Variants in ZFAND6 observed in about 807,000 individuals in gnomAD.
ZFAND6 encodes the protein AN1-type zinc finger protein 6.
In ZFAND6, 12 loss-of-function variants were observed where a neutral mutation model predicts 24.5. The observed-to-expected ratio is 0.49, with a 90% CI of 0.31 to 0.79. The LOEUF (loss-of-function observed/expected upper bound fraction) is 0.79. Among genes scored for constraint, ZFAND6 ranks in the 30% least tolerant of loss-of-function variants. The probability of loss-of-function intolerance (pLI) is 0.04; values close to 1 mark genes in which losing one functional copy is unlikely to be tolerated. For synonymous variants in ZFAND6, 92 were observed against 81.5 expected (o/e 1.13, Z -0.69); for missense variants, 207 against 245.9 (o/e 0.84, Z 1.06).
intron 2 of ZFAND6, among the ~76,000 whole-genome samples, chr15:80,117,042 T>C (rs2039907429): frequency 6.6e-6 from 1 of 152,240 alleles, no homozygotes; most frequent in South Asian, 2.1e-4. Flanking sequence ...ATTTCAAATA[T>C]TGATATAGTA....
rs371545250 is a variant in ZFAND6 at position 80,108,366 on chromosome 15, T to A, written c.-18+9788T>A. ...AAGTCTACATAGTTGAATTAAAAGC[T>A]TTAAGGGCAAAGAGGGAATAAAAAG... On this transcript the variant is annotated intron_variant, in intron 2 of 6. Coordinates refer to ENST00000261749, the MANE Select transcript of ZFAND6 (RefSeq NM_019006.4). Among the ~76,000 whole-genome samples the A allele has an allele frequency of 4.6e-5, 7 of 152,142 alleles. No homozygotes were observed. In the East Asian group the frequency reaches 5.8e-4, roughly 13 times the overall value.
chr15:80,092,827 A>T (rs1041124630), intron 1 of ZFAND6, among the ~76,000 whole-genome samples: 1 of 152,218 alleles, frequency 6.6e-6, no homozygotes, highest in African/African-American at 2.4e-5. Context: ...GTAAAGAAGC[A>T]AAAATGTTTC....
intron 2 of ZFAND6, among the ~76,000 whole-genome samples, chr15:80,114,034 G>A (rs180685736): frequency 1.3e-5 from 2 of 152,162 alleles, no homozygotes; most frequent in African/African-American, 4.8e-5. Flanking sequence ...TAAAAAAGGC[G>A]CAATATGAGC....
rs1224368944 is a variant in ZFAND6, at chr15:80,137,735, A to G, written c.*107A>G. ...TGTAGAGCAGTGTATCTTGCATGTC[A>G]TCGGAAGAATAGATTTTTGTTTTGG... On this transcript the variant is annotated 3_prime_UTR_variant, in exon 7 of 7. Coordinates refer to ENST00000261749, the MANE Select transcript of ZFAND6 (RefSeq NM_019006.4). The G allele has an allele frequency of 4.3e-6, 5 of 1,172,944 alleles. No individual in the cohort carries two copies. The highest frequency in any genetic ancestry group is 4.5e-6 in the Non-Finnish European group (4 of 882,764). 72.7% of individuals were successfully genotyped at this position (1,172,944 alleles called of 1,614,324 possible).
rs551107461 is a variant in ZFAND6 at position 80,092,285 on chromosome 15, G to A, written c.-180-6131G>A. 1.4e-4 allele frequency among the ~76,000 whole-genome samples: 20 copies of A among 146,316 alleles called. 1 individual carries two copies. In the South Asian group the frequency reaches 3.5e-3, roughly 25 times the overall value. On this transcript the variant is annotated intron_variant, in intron 1 of 6. Coordinates refer to ENST00000261749, the MANE Select transcript of ZFAND6 (RefSeq NM_019006.4). ...GTGGATCACTTGATCCCAGGAGTTC[G>A]AGACAAGCCTGGGCAACATGGCAAA...
At chr15:80,130,543 A>G (rs908560668) in intron 5 of ZFAND6, 5 of 152,176 alleles carry the variant, frequency 3.3e-5, no homozygotes, top group African/African-American at 1.2e-4. Flanking sequence ...AACTGGAGGG[A>G]GGCATGTTAA....
chr15:80,087,478 A>C (rs982554304), intron 1 of ZFAND6, among the ~76,000 whole-genome samples: 3 of 152,186 alleles, frequency 2.0e-5, no homozygotes, highest in Non-Finnish European at 4.4e-5. Flanking sequence ...TCCAATGCTC[A>C]TTCTCCTTTT....
intron 2 of ZFAND6, among the ~76,000 whole-genome samples, chr15:80,106,124 T>TAAGTTTATC (rs1443957731): frequency 6.6e-6 from 1 of 152,242 alleles, no homozygotes; most frequent in Non-Finnish European, 1.5e-5. Context: ...ATAGGTACGA[T>TAAGTTTATC]AAGTTTATCA....
chr15:80,093,429 A>G (rs544507590), intron 1 of ZFAND6, among the ~76,000 whole-genome samples: 1 of 152,006 alleles, frequency 6.6e-6, no homozygotes, highest in Non-Finnish European at 1.5e-5. Context: ...ATCGGAAAAC[A>G]TGAAGAAGTG....
At chr15:80,068,114 A>G (rs868596246) in intron 1 of ZFAND6, among the ~76,000 whole-genome samples, 131 of 145,788 alleles carry the variant, frequency 9.0e-4, no homozygotes, top group African/African-American at 3.2e-3. Flanking sequence ...GGCGAGCACC[A>G]CCGCGCCTGG....
At chr15:80,113,834 A>C (rs2141991930) in intron 2 of ZFAND6, among the ~76,000 whole-genome samples, 1 of 152,158 alleles carries the variant, frequency 6.6e-6, no homozygotes, top group Admixed American at 6.6e-5. Context: ...AGAGTTGTAT[A>C]CCAGTGAAGT....
intron 1 of ZFAND6, among the ~76,000 whole-genome samples, chr15:80,066,649 A>G (rs540612477): frequency 9.5e-4 from 145 of 152,108 alleles, no homozygotes; most frequent in African/African-American, 3.3e-3. Flanking sequence ...TATTTTGTGA[A>G]AATTGCTTTG....
rs115788133 is a variant in ZFAND6, at chr15:80,129,389, T to C, written c.365-1791T>C. On this transcript the variant is annotated intron_variant, in intron 5 of 6. Transcript: ENST00000261749. ...GTGGCATTCTGCCTTTTGTCATCTT[T>C]TGTTAAAATATGAGATAATGATGGT... is the stretch of plus-strand genomic sequence containing the variant. Among the ~76,000 whole-genome samples, 729 of 152,316 alleles carry C rather than the reference T, an allele frequency of 4.8e-3. 9 individuals carry two copies. Among genetic ancestry groups the C allele is most frequent in the African/African-American group, 0.017 (700 of 41,566 alleles).
intron 1 of ZFAND6, among the ~76,000 whole-genome samples, chr15:80,079,544 C>T (rs1596210455): frequency 1.3e-5 from 2 of 150,340 alleles, no homozygotes; most frequent in South Asian, 2.1e-4. Flanking sequence ...TTTTGCTGTT[C>T]TTTTGGTATA....
At chr15:80,118,015 A>AG (rs1360252276) in intron 2 of ZFAND6, among the ~76,000 whole-genome samples, 2 of 61,232 alleles carry the variant, frequency 3.3e-5, no homozygotes, top group Non-Finnish European at 8.0e-5. Flanking sequence ...CAGGTATTGA[A>AG]TTGTGTGTGT....
chr15:80,092,613 C>A (rs182717135), intron 1 of ZFAND6, among the ~76,000 whole-genome samples: 13 of 152,188 alleles, frequency 8.5e-5, no homozygotes, highest in Admixed American at 6.5e-4. Context: ...ATCATTCAGG[C>A]TGAATTAGTG....
At chr15:80,097,076 T>G (rs2038769187) in intron 1 of ZFAND6, among the ~76,000 whole-genome samples, 1 of 150,576 alleles carries the variant, frequency 6.6e-6, no homozygotes, top group South Asian at 2.1e-4. Flanking sequence ...CTCAGCACAC[T>G]GCAACCTCCA....
chr15:80,132,756 C>T (rs1349658486), intron 6 of ZFAND6, among the ~76,000 whole-genome samples: 1 of 152,000 alleles, frequency 6.6e-6, no homozygotes, highest in Admixed American at 6.6e-5. Context: ...TAAAGTGATG[C>T]CACTAGCACT....
At chr15:80,110,090 G>A (rs1258437668) in intron 2 of ZFAND6, among the ~76,000 whole-genome samples, 2 of 152,176 alleles carry the variant, frequency 1.3e-5, no homozygotes, top group African/African-American at 4.8e-5. Context: ...AGCTTCTCCA[G>A]AGTGAGTTAC....
Sources: gnomAD v4.1 joint callset for allele counts (sites outside exome capture counted in the v4.1 genomes callset) on GRCh38, gnomAD v4.1.1 for gene constraint, MANE v1.5 for transcripts, NCBI Gene and HGNC (gene_info 2026-07-23, HGNC 2026-07-21) for gene names.